The following RGS22 variants were observed in gnomAD, a reference collection of about 807,000 sequenced individuals.
The protein encoded by RGS22 is regulator of G protein signaling 22, also known as regulator of G-protein signaling 22.
RGS22 carries 148 observed loss-of-function variants against 172.9 expected under a neutral mutation model. The observed-to-expected ratio is 0.86, with a 90% CI of 0.75 to 0.98. The LOEUF (loss-of-function observed/expected upper bound fraction) is 0.98. RGS22 is among the 50% of genes least tolerant of loss of function. RGS22 has a pLI of 0.00. For synonymous variants in RGS22, 458 were observed against 480.2 expected, an observed-to-expected ratio of 0.95 and a Z score of 0.60; for missense variants, 1,347 against 1,440.8, an observed-to-expected ratio of 0.93 and a Z score of 1.05.
chr8:100,006,174 G>A, intron 15 of RGS22, 65 bp from the exon 16 acceptor site: 1 of 1,276,912 alleles, frequency 7.8e-7, no homozygotes, highest in Non-Finnish European at 1.1e-6. Context: ...ACAGTGGGCT[G>A]AAAAACAAAT....
intron 22 of RGS22, among the ~76,000 whole-genome samples, chr8:99,978,592 A>G (rs561856701): frequency 6.6e-6 from 1 of 152,344 alleles, no homozygotes; most frequent in East Asian, 1.9e-4. Context: ...TTTAAATGAT[A>G]TAATCTCTTA....
chr8:99,971,467 T>C (rs1038202479), intron 23 of RGS22, among the ~76,000 whole-genome samples: 2 of 152,156 alleles, frequency 1.3e-5, no homozygotes. Context: ...GGATTGTATA[T>C]TTAGAAAACC....
chr8:100,058,200 G>A (rs1043060429), intron 9 of RGS22, among the ~76,000 whole-genome samples: 8 of 149,548 alleles, frequency 5.3e-5, no homozygotes, highest in Non-Finnish European at 8.9e-5. Context: ...CAACAATAAA[G>A]CATGCCTAAA....
chr8:100,044,121 A>C (rs1820455974), intron 11 of RGS22, among the ~76,000 whole-genome samples: 1 of 152,226 alleles, frequency 6.6e-6, no homozygotes, highest in Admixed American at 6.5e-5. Context: ...TGGGCCCAAA[A>C]GGATTCACTG....
chr8:100,028,536 C>T (rs1308194887), intron 14 of RGS22, among the ~76,000 whole-genome samples: 1 of 151,592 alleles, frequency 6.6e-6, no homozygotes, highest in African/African-American at 2.4e-5. Context: ...CAACATATCT[C>T]CTGAGAATTT....
rs752149172 is a variant in RGS22 at position 100,066,249 on chromosome 8, A to T, written c.642T>A (p.Ser214Arg). ...TKDWFALAKQ[S>R]QQTVSTFSLP... Reference sequence around the variant, plus strand: ...ACGAAAAGGTTGATACTGTTTGCTGACTTTGTTTTGCTAATGCAAACCAAT... The same window carrying T: ...ACGAAAAGGTTGATACTGTTTGCTGTCTTTGTTTTGCTAATGCAAACCAAT... Residue 214 changes from serine to arginine, a missense_variant, in exon 7 of 28, where the codon AGT becomes AGA. Coordinates refer to ENST00000360863, the MANE Select transcript of RGS22 (RefSeq NM_015668.5). The T allele has an allele frequency of 6.2e-7, 1 of 1,613,466 alleles. No individual in the cohort carries two copies. Among genetic ancestry groups the T allele is most frequent in the Admixed American group, 1.7e-5 (1 of 60,012 alleles).
At chr8:100,013,125 G>T (rs1306421868) in intron 14 of RGS22, among the ~76,000 whole-genome samples, 1 of 151,924 alleles carries the variant, frequency 6.6e-6, no homozygotes, top group Non-Finnish European at 1.5e-5. Flanking sequence ...GAGTAGCTGG[G>T]ACTACAGGTG....
intron 18 of RGS22, among the ~76,000 whole-genome samples, chr8:100,001,202 T>A (rs893840332): frequency 2.1e-4 from 26 of 124,772 alleles, no homozygotes; most frequent in African/African-American, 5.2e-4. Context: ...TCCCAATTTT[T>A]TATATATATA....
At chr8:100,102,358 T>G (rs1459409980) in intron 2 of RGS22, among the ~76,000 whole-genome samples, 1 of 152,184 alleles carries the variant, frequency 6.6e-6, no homozygotes, top group Non-Finnish European at 1.5e-5. Context: ...TAGCAATGGG[T>G]CTGATATCTA....
At chr8:100,102,046 T>G (rs139293877) in intron 2 of RGS22, among the ~76,000 whole-genome samples, 96 of 152,358 alleles carry the variant, frequency 6.3e-4, no homozygotes, top group Non-Finnish European at 1.2e-3. Flanking sequence ...TCTCATGATT[T>G]AAGATGACTG....
chr8:100,092,485 A>T (rs186416113), intron 3 of RGS22, among the ~76,000 whole-genome samples: 1 of 152,280 alleles, frequency 6.6e-6, no homozygotes, highest in African/African-American at 2.4e-5. Flanking sequence ...TGAATGGATT[A>T]ATGTTGTTAT....
At chr8:99,962,621 A>G in intron 26 of RGS22, 66 bp downstream of exon 26, 2 of 1,497,184 alleles carry the variant, frequency 1.3e-6, no homozygotes, top group Admixed American at 3.8e-5. Context: ...CTGAATGGCC[A>G]GGTGAGAGGC....
intron 3 of RGS22, among the ~76,000 whole-genome samples, chr8:100,091,613 A>T (rs1455301239): frequency 6.6e-6 from 1 of 152,262 alleles, no homozygotes; most frequent in South Asian, 2.1e-4. Flanking sequence ...AAGTTAAGAG[A>T]ATTTATTTCT....
chr8:99,969,901 C>T (rs1436088011), intron 23 of RGS22, among the ~76,000 whole-genome samples: 1 of 152,184 alleles, frequency 6.6e-6, no homozygotes, highest in Non-Finnish European at 1.5e-5. Flanking sequence ...ATCTACAGAA[C>T]TCTCCACCCC....
At chr8:100,085,907 G>A (rs936772814) in intron 3 of RGS22, among the ~76,000 whole-genome samples, 8 of 152,166 alleles carry the variant, frequency 5.3e-5, no homozygotes, top group African/African-American at 1.9e-4. Context: ...AAGAATGGAT[G>A]TATATTGAAC....
At chr8:100,032,616 A>T (rs1362528254) in intron 14 of RGS22, among the ~76,000 whole-genome samples, 16 of 152,194 alleles carry the variant, frequency 1.1e-4, no homozygotes, top group Non-Finnish European at 2.4e-4. Context: ...AATGAGACAG[A>T]AGGTTAACAA....
At chr8:100,033,218 A>G (rs928157628) in intron 14 of RGS22, among the ~76,000 whole-genome samples, 42 of 152,280 alleles carry the variant, frequency 2.8e-4, no homozygotes, top group African/African-American at 9.9e-4. Context: ...AAAAAAATCA[A>G]TGAATCCAGG....
intron 10 of RGS22, among the ~76,000 whole-genome samples, chr8:100,052,133 A>G: frequency 1.3e-5 from 1 of 76,180 alleles, no homozygotes; most frequent in African/African-American, 5.2e-5. Context: ...ATATATAAAT[A>G]TATAAACATA....
intron 7 of RGS22, 26 bp from the exon 8 acceptor site, chr8:100,064,069 A>G (rs1810362979): frequency 6.9e-7 from 1 of 1,444,404 alleles, no homozygotes; most frequent in Non-Finnish European, 9.2e-7. Context: ...AAAAGCTATT[A>G]GATTAGATAT....
Sources: gnomAD v4.1 joint callset for allele counts (sites outside exome capture counted in the v4.1 genomes callset) on GRCh38, gnomAD v4.1.1 for gene constraint, MANE v1.5 for transcripts, NCBI Gene and HGNC (gene_info 2026-07-23, HGNC 2026-07-21) for gene names.